GANC: variants seen among roughly 807,000 people sequenced by gnomAD.
GANC encodes glucosidase alpha, neutral C, also known as neutral alpha-glucosidase C.
GANC carries 117 observed loss-of-function variants against 124.2 expected under a neutral mutation model. The observed-to-expected ratio is 0.94, with a 90% CI of 0.81 to 1.10. GANC has a LOEUF of 1.10. Ranked by LOEUF, GANC falls within the 50% of genes least tolerant of loss-of-function variation. The pLI is 0.00. For synonymous variants in GANC, 377 were observed against 376.8 expected (o/e 1.00, Z -0.01); for missense variants, 1,140 against 1,095.0 (o/e 1.04, Z -0.58).
chr15:42,287,418 A>G (rs994932626), intron 3 of GANC, among the ~76,000 whole-genome samples: 9 of 152,166 alleles, frequency 5.9e-5, no homozygotes, highest in African/African-American at 1.9e-4. Context: ...GTAATTATTA[A>G]TAGAGACTTC....
chr15:42,322,511 C>T (rs576971030), intron 11 of GANC, among the ~76,000 whole-genome samples: 2 of 152,218 alleles, frequency 1.3e-5, no homozygotes, highest in African/African-American at 2.4e-5. Context: ...AGGGCTCTTG[C>T]ACGCAGGCTG....
intron 6 of GANC, among the ~76,000 whole-genome samples, chr15:42,300,192 T>A (rs2051932138): frequency 6.6e-6 from 1 of 151,902 alleles, no homozygotes; most frequent in Non-Finnish European, 1.5e-5. Context: ...ACAGAATGGG[T>A]GAAAATTTTT....
Position 42,321,770 on chromosome 15 carries a change from A to G in GANC, c.1058-15A>G, listed in dbSNP as rs758049403. The stretch of plus-strand genomic sequence containing the variant: ...TGCCATGGCAGTTGACTCAGTTGTC[A>G]TCTCCCTCTTTTAGGCACACAAGCC... On this transcript the variant is annotated splice_polypyrimidine_tract_variant and intron_variant, in intron 10 of 23. Coordinates refer to ENST00000318010, the MANE Select transcript of GANC (RefSeq NM_198141.3). 2 of 1,609,846 alleles carry G rather than the reference A, an allele frequency of 1.2e-6. No homozygotes were observed. Among genetic ancestry groups the G allele is most frequent in the Non-Finnish European group, 1.7e-6 (2 of 1,176,134 alleles).
At chr15:42,330,165 T>C (rs1015749015) in intron 14 of GANC, among the ~76,000 whole-genome samples, 6 of 152,338 alleles carry the variant, frequency 3.9e-5, no homozygotes, top group Middle Eastern at 3.4e-3. Flanking sequence ...TTGCAGTAAC[T>C]GTAGACTGCT....
chr15:42,329,478 G>T (rs1386310746), intron 14 of GANC, 29 bp downstream of exon 14: 2 of 1,586,290 alleles, frequency 1.3e-6, no homozygotes, highest in Non-Finnish European at 1.7e-6. Flanking sequence ...ATTAAACTGG[G>T]CTTGTGTGAC....
chr15:42,332,778 C>G (rs143205571), intron 15 of GANC, among the ~76,000 whole-genome samples: 3,594 of 150,314 alleles, frequency 0.024, 139 homozygotes, highest in African/African-American at 0.084. Flanking sequence ...CTTTGGGAGG[C>G]CGAGGCGGGT....
At chr15:42,336,286 T>G (rs771341617) in intron 15 of GANC, among the ~76,000 whole-genome samples, 3 of 152,050 alleles carry the variant, frequency 2.0e-5, no homozygotes, top group Non-Finnish European at 2.9e-5. Flanking sequence ...AAAACAGGCA[T>G]GTAGACCAAT....
chr15:42,322,419 A>G (rs2052167606), intron 11 of GANC, among the ~76,000 whole-genome samples: 1 of 152,158 alleles, frequency 6.6e-6, no homozygotes, highest in African/African-American at 2.4e-5. Flanking sequence ...GTGGCTCCCA[A>G]GCTGGTTTGA....
intron 6 of GANC, 60 bp from the exon 7 acceptor site, chr15:42,306,486 G>A (rs1431228711): frequency 1.8e-5 from 23 of 1,294,332 alleles, no homozygotes; most frequent in Non-Finnish European, 2.5e-5. Flanking sequence ...ATGAGCTATT[G>A]TGGTAAACAC....
Position 42,343,111 on chromosome 15 carries a change from CA to C in GANC, c.2190del (p.Ala731ProfsTer30), listed in dbSNP as rs1016018601. ...TTATTGGTTCATCCAGTCACAGAAC[CA>C]AAAGCCACCACAGTTGATGTGTTTC... ...SALLVHPVTEPKATTVDVFLP... is the reference protein window; with the variant it reads ...SALLVHPVTEXKATTVDVFLP... On this transcript the variant is annotated frameshift_variant, in exon 19 of 24. Transcript: ENST00000318010. LOFTEE classifies it high-confidence loss of function. 1.2e-5 allele frequency: 19 copies of C among 1,613,906 alleles called. No individual in the cohort carries two copies. In the Admixed American group the frequency reaches 1.8e-4, roughly 16 times the overall value.
rs200993197 is a variant in GANC, at chr15:42,348,146, C to A, written c.2348C>A (p.Thr783Lys). ...GGTGGAAGTGTGATACCAATAAAGA[C>A]AACTGTAGGAAAATCCACAGGCTGG... ...QRGGSVIPIK[T>K]TVGKSTGWMT... The change falls in exon 21 of 24, where the codon ACA (threonine) becomes AAA (lysine). Residue 783 changes from threonine to lysine, a missense_variant. Coordinates refer to ENST00000318010, the MANE Select transcript of GANC (RefSeq NM_198141.3). 1.6e-5 allele frequency: 26 copies of A among 1,612,946 alleles called. No homozygotes were observed. The East Asian group carries it at 5.6e-4, about 35-fold the overall frequency.
chr15:42,332,908 C>T (rs2052257214), intron 15 of GANC, among the ~76,000 whole-genome samples: 1 of 148,886 alleles, frequency 6.7e-6, no homozygotes, highest in Admixed American at 6.7e-5. Flanking sequence ...ATCCCAGCTA[C>T]TAGGGAGGCT....
chr15:42,339,565 C>T, intron 16 of GANC, 104 bp from the exon 17 acceptor site: 6 of 1,331,026 alleles, frequency 4.5e-6, no homozygotes, highest in South Asian at 1.4e-5. Flanking sequence ...ATTTGAAGTG[C>T]ATATACTGCA....
At chr15:42,328,960 A>G (rs1470126067) in intron 13 of GANC, among the ~76,000 whole-genome samples, 3 of 152,228 alleles carry the variant, frequency 2.0e-5, no homozygotes, top group African/African-American at 2.4e-5. Context: ...AAGGAGCCCA[A>G]TTGTGAACAT....
chr15:42,306,804 G>C (rs1278130056), intron 7 of GANC, among the ~76,000 whole-genome samples, 192 bp downstream of exon 7: 1 of 152,206 alleles, frequency 6.6e-6, no homozygotes. Context: ...CCTTTTGTAG[G>C]AAGTGTAAAA....
At chr15:42,351,737 G>C in intron 23 of GANC, among the ~76,000 whole-genome samples, 1 of 152,318 alleles carries the variant, frequency 6.6e-6, no homozygotes, top group Non-Finnish European at 1.5e-5. Context: ...CTACCCATGT[G>C]TTTGGAGTTT....
intron 22 of GANC, among the ~76,000 whole-genome samples, chr15:42,350,140 C>T (rs547101891): frequency 8.7e-5 from 13 of 148,964 alleles, no homozygotes; most frequent in East Asian, 2.0e-4. Flanking sequence ...AAGCGAGTCT[C>T]CTGCCTCAGC....
chr15:42,315,150 C>T (rs914203103), intron 10 of GANC, among the ~76,000 whole-genome samples: 4 of 151,880 alleles, frequency 2.6e-5, no homozygotes, highest in Admixed American at 1.3e-4. Context: ...CAGCTTTATC[C>T]TAAGCATATC....
At chr15:42,286,802 A>C (rs2051793649) in intron 3 of GANC, among the ~76,000 whole-genome samples, 1 of 152,216 alleles carries the variant, frequency 6.6e-6, no homozygotes, top group African/African-American at 2.4e-5. Flanking sequence ...TATGTCACAC[A>C]ACTTACCGAG....
Sources: allele counts gnomAD v4.1 joint callset (sites outside exome capture counted in the v4.1 genomes callset), GRCh38; gene constraint gnomAD v4.1.1; transcripts MANE v1.5; gene names NCBI Gene and HGNC (gene_info 2026-07-23, HGNC 2026-07-21).